The following TMIE variants were observed in gnomAD, a reference collection of about 807,000 sequenced individuals.
TMIE encodes transmembrane inner ear expressed protein.
Under a neutral mutation model 16.8 loss-of-function variants are expected in TMIE, and 14 were observed. The ratio of observed to expected loss-of-function variants is 0.83; its 90% CI spans 0.55 to 1.30. The LOEUF (loss-of-function observed/expected upper bound fraction) is 1.30. TMIE is among the 50% of genes most tolerant of loss of function. The probability of loss-of-function intolerance (pLI) is 0.00; values close to 1 mark genes in which losing one functional copy is unlikely to be tolerated. For missense variants in TMIE, 204 were observed against 205.9 expected (o/e 0.99, Z 0.06); for synonymous variants, 75 against 87.2 (o/e 0.86, Z 0.78).
chr3:46,701,191 G>A (rs1013910467), upstream of TMIE: 2 of 355,834 alleles, frequency 5.6e-6, no homozygotes, highest in Non-Finnish European at 1.0e-5. The surrounding 1 kb of genome is among the most constrained non-coding windows in gnomAD (Gnocchi z 4.3). Flanking sequence ...TTAGGGACCT[G>A]GCCCCAGCCT....
intron 1 of TMIE, among the ~76,000 whole-genome samples, chr3:46,702,230 C>G (rs554119585): frequency 6.6e-6 from 1 of 151,964 alleles, no homozygotes; most frequent in Non-Finnish European, 1.5e-5. Context: ...TGGTGATAAC[C>G]GGGAGCTTTA....
intron 1 of TMIE, among the ~76,000 whole-genome samples, chr3:46,703,682 A>G (rs1457591221): frequency 3.3e-5 from 5 of 152,148 alleles, no homozygotes; most frequent in Non-Finnish European, 7.3e-5. Flanking sequence ...TCAGGTACCA[A>G]TCCCAGCCCA....
chr3:46,694,337 G>T (rs1478499658), upstream of TMIE, among the ~76,000 whole-genome samples: 1 of 152,214 alleles, frequency 6.6e-6, no homozygotes, highest in African/African-American at 2.4e-5. Flanking sequence ...TGGAAAGGGT[G>T]GCTGAAGACT....
chr3:46,710,163 C>T lies in TMIE; in HGVS notation c.*475C>T. ...AGAGGGTCACTGGGGGACACTGTGG[C>T]AGCAGGAGGGACTCTGTCTGGCCAG... On this transcript the variant is annotated 3_prime_UTR_variant, in exon 4 of 4. Transcript: ENST00000643606. 1 of 244,834 alleles carries T rather than the reference C, an allele frequency of 4.1e-6. No individual in the cohort carries two copies. The highest frequency in any genetic ancestry group is 9.4e-5 in the East Asian group (1 of 10,684). 15.2% of individuals were successfully genotyped at this position (244,834 alleles called of 1,614,324 possible).
upstream of TMIE, chr3:46,701,248 A>T: frequency 1.3e-5 from 4 of 308,620 alleles, no homozygotes; most frequent in Non-Finnish European, 2.4e-5. This position sits in a 1 kb window ranked among gnomAD's most constrained non-coding sequence, Gnocchi z 4.3. Context: ...GGGGATGCGG[A>T]AGGTGGGGGC....
chr3:46,699,953 A>G (rs1700450299), upstream of TMIE, among the ~76,000 whole-genome samples: 1 of 152,240 alleles, frequency 6.6e-6, no homozygotes, highest in Non-Finnish European at 1.5e-5. Context: ...TGCATTACTG[A>G]CAGGCTCACT....
At chr3:46,705,969 C>T in intron 2 of TMIE, 62 bp downstream of exon 2, 1 of 1,524,124 alleles carries the variant, frequency 6.6e-7, no homozygotes. Flanking sequence ...CCCCCTGCCC[C>T]CCAGAGGGCT....
At chr3:46,699,490 G>A (rs574399979), upstream of TMIE, among the ~76,000 whole-genome samples, 12 of 152,290 alleles carry the variant, frequency 7.9e-5, no homozygotes, top group East Asian at 1.9e-4. Flanking sequence ...TTTGAAGCCC[G>A]TGTGATAGTA....
At position 46,710,095 on chromosome 3, in the gene TMIE, G is replaced by T; in HGVS notation, c.*407G>T. ...GGCACGAAATGGCTGAAGTGCATGG[G>T]TCAGGGTGTGAGGCCACACCCAGAG... On this transcript the variant is annotated 3_prime_UTR_variant, in exon 4 of 4. Transcript: ENST00000643606. 3.1e-6 allele frequency: 1 copy of T among 327,646 alleles called. No homozygotes were observed. Among genetic ancestry groups the T allele is most frequent in the Non-Finnish European group, 6.0e-6 (1 of 166,694 alleles). The allele number at this position is 327,646 out of a possible 1,614,324, so 20.3% of individuals were successfully genotyped here.
At position 46,709,164 on chromosome 3, in the gene TMIE, C is replaced by T. The variant is rs28942097; in HGVS notation, c.250C>T (p.Arg84Trp). The T allele has an allele frequency of 1.9e-5, 30 of 1,614,042 alleles. No individual in the cohort carries two copies. Among genetic ancestry groups the T allele is most frequent in the South Asian group, 3.3e-5 (3 of 91,090 alleles). The change falls in exon 3 of 4, where the codon CGG becomes TGG. Residue 84 changes from arginine to tryptophan, a missense_variant. Arg to Trp is a moderately radical substitution (Grantham distance 101). Transcript: ENST00000643606. ...CTGTGTCTTCAACTGTCGTGTGCCA[C>T]GGACCCGGAAGGAGATCGAAGCCCG... ...LCCVFNCRVP[R>W]TRKEIEARYL...
At chr3:46,701,180 AT>A (rs1700468244), upstream of TMIE, 1 of 325,136 alleles carries the variant, frequency 3.1e-6, no homozygotes, top group Non-Finnish European at 5.6e-6. This position sits in a 1 kb window ranked among gnomAD's most constrained non-coding sequence, Gnocchi z 4.3. Flanking sequence ...GGACCTGTTG[AT>A]TAGGGACCTG....
At chr3:46,701,302 C>T (rs931571580), upstream of TMIE, 2 of 460,466 alleles carry the variant, frequency 4.3e-6, no homozygotes, top group Admixed American at 4.5e-5. This position sits in a 1 kb window ranked among gnomAD's most constrained non-coding sequence, Gnocchi z 4.3. Context: ...AAGGAGGGGG[C>T]GGGCCCTCCA....
chr3:46,694,366 C>T (rs1414898589), upstream of TMIE, among the ~76,000 whole-genome samples: 2 of 152,178 alleles, frequency 1.3e-5, no homozygotes, highest in African/African-American at 2.4e-5. Context: ...ACAGACCCCC[C>T]GGGAGCGGGA....
intron 1 of TMIE, among the ~76,000 whole-genome samples, chr3:46,695,977 G>C (rs1299432775): frequency 1.3e-5 from 2 of 152,116 alleles, no homozygotes. Context: ...AAGGCCTCTG[G>C]TAGTGCCCAA....
rs1700590057 is a variant in TMIE at position 46,709,191 on chromosome 3, T to A, written c.277T>A (p.Tyr93Asn). The A allele has an allele frequency of 3.1e-6, 5 of 1,614,126 alleles. No homozygotes were observed. Among genetic ancestry groups the A allele is most frequent in the Non-Finnish European group, 4.2e-6 (5 of 1,180,046 alleles). The change falls in exon 3 of 4, where the codon TAC becomes AAC. Residue 93 changes from tyrosine (Y) to asparagine (N), a missense_variant. By Grantham distance (143) the Tyr-to-Asn change is moderately radical. Coordinates refer to ENST00000643606, the MANE Select transcript of TMIE (RefSeq NM_147196.3). Reference protein sequence around the residue: ...PRTRKEIEARYLQRKAAKMYT... With the variant: ...PRTRKEIEARNLQRKAAKMYT... Reference sequence around the variant, plus strand: ...GACCCGGAAGGAGATCGAAGCCCGGTACCTGCAGCGAAAGGCAGCCAAGAT... The same window carrying A: ...GACCCGGAAGGAGATCGAAGCCCGGAACCTGCAGCGAAAGGCAGCCAAGAT...
chr3:46,709,920 T>C lies in TMIE; in HGVS notation c.*232T>C. On this transcript the variant is annotated 3_prime_UTR_variant, in exon 4 of 4. Coordinates refer to ENST00000643606, the MANE Select transcript of TMIE (RefSeq NM_147196.3). Reference sequence around the variant, plus strand: ...CCTTTCACCCCATCCACATGGGTACTGTCTCGGCAGAGGTGGTCTGGTGCC... The same window carrying C: ...CCTTTCACCCCATCCACATGGGTACCGTCTCGGCAGAGGTGGTCTGGTGCC... The C allele has an allele frequency of 1.3e-6, 1 of 757,782 alleles. No homozygotes were observed. The highest frequency in any genetic ancestry group is 2.1e-6 in the Non-Finnish European group (1 of 482,946). 46.9% of individuals were successfully genotyped at this position (757,782 alleles called of 1,614,324 possible).
upstream of TMIE, among the ~76,000 whole-genome samples, chr3:46,701,039 C>CG (rs1402126948): frequency 6.6e-6 from 1 of 151,810 alleles, no homozygotes; most frequent in African/African-American, 2.4e-5. The surrounding 1 kb of genome is among the most constrained non-coding windows in gnomAD (Gnocchi z 4.3). Flanking sequence ...CTGCCCCCCC[C>CG]CCAAACTCAA....
chr3:46,700,216 G>A (rs1054155734), upstream of TMIE, among the ~76,000 whole-genome samples: 2 of 152,210 alleles, frequency 1.3e-5, no homozygotes, highest in African/African-American at 2.4e-5. Flanking sequence ...TCCTCGATGG[G>A]TCTCCTGGGC....
At chr3:46,699,274 G>A (rs550178395), upstream of TMIE, among the ~76,000 whole-genome samples, 1 of 152,132 alleles carries the variant, frequency 6.6e-6, no homozygotes, top group African/African-American at 2.4e-5. Context: ...GTTTCTCCAT[G>A]TTGGTCAGGC....
Sources: gnomAD v4.1 joint callset for allele counts (sites outside exome capture counted in the v4.1 genomes callset) on GRCh38, gnomAD v4.1.1 for gene constraint, Gnocchi (gnomAD v3.1) non-coding constraint, MANE v1.5 for transcripts, NCBI Gene and HGNC (gene_info 2026-07-23, HGNC 2026-07-21) for gene names.